Variants in KANSL1L observed in about 807,000 individuals in gnomAD.
KANSL1L encodes the protein KAT8 regulatory NSL complex subunit 1 like, also known as KAT8 regulatory NSL complex subunit 1-like protein.
Under a neutral mutation model 108.6 loss-of-function variants are expected in KANSL1L, and 25 were observed. The observed-to-expected ratio is 0.23, with a 90% CI of 0.17 to 0.32. The LOEUF (loss-of-function observed/expected upper bound fraction) is 0.32, where lower values mean the gene tolerates loss of function less well. Ranked by LOEUF, KANSL1L falls within the 10% of genes least tolerant of loss-of-function variation. The pLI, the probability that KANSL1L is intolerant of heterozygous loss-of-function variation, is 1.00. For missense variants in KANSL1L, 1,137 were observed against 1,125.7 expected (o/e 1.01, Z -0.14); for synonymous variants, 405 against 395.1 (o/e 1.03, Z -0.30).
At chr2:210,028,997 C>T (rs940867807) in intron 10 of KANSL1L, 28 bp from the exon 11 acceptor site, 7 of 1,584,996 alleles carry the variant, frequency 4.4e-6, no homozygotes, top group Non-Finnish European at 6.0e-6. Context: ...AGTAGATTTA[C>T]AGTACTGTCT....
At chr2:210,061,291 G>C (rs955080991) in intron 6 of KANSL1L, among the ~76,000 whole-genome samples, 5 of 151,968 alleles carry the variant, frequency 3.3e-5, no homozygotes, top group Non-Finnish European at 7.4e-5. Context: ...TCTAATCTTG[G>C]ATGCCAGAGG....
chr2:210,167,876 C>T lies in KANSL1L; in HGVS notation c.-30+3273G>A, dbSNP rs141657383. 2.4e-4 allele frequency among the ~76,000 whole-genome samples: 36 copies of T among 151,854 alleles called. No individual in the cohort carries two copies. The East Asian group carries it at 6.8e-3, about 29-fold the overall frequency. On this transcript the variant is annotated intron_variant, in intron 1 of 14. Transcript: ENST00000281772. ...TATCTACTGGCAAGTTTAATAGTAC[C>T]GTTTTTATTAACATTTGCTGGGTGT... is the stretch of plus-strand genomic sequence containing the variant.
At chr2:210,132,332 A>G (rs2095129337) in intron 2 of KANSL1L, among the ~76,000 whole-genome samples, 1 of 152,162 alleles carries the variant, frequency 6.6e-6, no homozygotes, top group Admixed American at 6.5e-5. Context: ...CAGTTAGCAT[A>G]TAAGCCTGGT....
At chr2:210,109,031 C>A (rs1258329614) in intron 3 of KANSL1L, among the ~76,000 whole-genome samples, 1 of 152,018 alleles carries the variant, frequency 6.6e-6, no homozygotes, top group Admixed American at 6.5e-5. Context: ...ACGCCTTTTT[C>A]TAGTTCCATT....
intron 3 of KANSL1L, among the ~76,000 whole-genome samples, chr2:210,111,146 G>A (rs1339832970): frequency 6.6e-6 from 1 of 150,536 alleles, no homozygotes; most frequent in Admixed American, 6.6e-5. Flanking sequence ...AATGAATGTG[G>A]ACTCTGAAAA....
intron 10 of KANSL1L, 158 bp from the exon 11 acceptor site, chr2:210,029,127 A>G (rs1559497555): frequency 7.0e-6 from 4 of 572,552 alleles, no homozygotes; most frequent in South Asian, 5.0e-5. Flanking sequence ...AAACCAAAAA[A>G]TAAAACATTT....
intron 1 of KANSL1L, among the ~76,000 whole-genome samples, chr2:210,155,600 C>G (rs1307501423): frequency 6.6e-6 from 1 of 152,156 alleles, no homozygotes; most frequent in African/African-American, 2.4e-5. Flanking sequence ...ATAGCGGAGA[C>G]AGTGTCAGAT....
chr2:210,123,758 A>T (rs2095041881), intron 3 of KANSL1L, among the ~76,000 whole-genome samples: 1 of 152,038 alleles, frequency 6.6e-6, no homozygotes, highest in Non-Finnish European at 1.5e-5. Context: ...TATGCATTGT[A>T]TTCCTGTGTC....
intron 3 of KANSL1L, among the ~76,000 whole-genome samples, chr2:210,105,374 A>T (rs77423454): frequency 0.15 from 21,295 of 145,392 alleles, 1,826 homozygotes; most frequent in Middle Eastern, 0.34. Flanking sequence ...TTTGAAAAAA[A>T]ATATATATAT....
At position 210,029,926 on chromosome 2, in the gene KANSL1L, G is replaced by A; in HGVS notation, c.2156-8C>T. The A allele has an allele frequency of 7.2e-7, 1 of 1,396,190 alleles. No individual in the cohort carries two copies. The allele number at this position is 1,396,190 out of a possible 1,614,324, so 86.5% of individuals were successfully genotyped here. On this transcript the variant is annotated splice_polypyrimidine_tract_variant and splice_region_variant and intron_variant, in intron 9 of 14. Transcript: ENST00000281772. ...CAAGTTTAGTTCTTTCTCCTGCCATGGAAAGAACCATTGAATGTTACACAT... is the reference window on the plus strand; with the variant it reads ...CAAGTTTAGTTCTTTCTCCTGCCATAGAAAGAACCATTGAATGTTACACAT...
chr2:210,050,005 G>T (rs2094271950), intron 6 of KANSL1L, among the ~76,000 whole-genome samples: 1 of 152,196 alleles, frequency 6.6e-6, no homozygotes, highest in African/African-American at 2.4e-5. Context: ...AAAGGAGGTG[G>T]CTCAAGTAGG....
At chr2:210,097,625 T>C (rs1041162618) in intron 5 of KANSL1L, among the ~76,000 whole-genome samples, 1 of 152,230 alleles carries the variant, frequency 6.6e-6, no homozygotes, top group African/African-American at 2.4e-5. Flanking sequence ...GTAAAAAAAA[T>C]TTACCTTATA....
At chr2:210,038,505 T>TA (rs951614609) in intron 8 of KANSL1L, among the ~76,000 whole-genome samples, 4 of 152,022 alleles carry the variant, frequency 2.6e-5, no homozygotes, top group African/African-American at 9.6e-5. Context: ...GCAAAAGTAG[T>TA]AAATATTTGC....
intron 6 of KANSL1L, among the ~76,000 whole-genome samples, chr2:210,065,767 G>A (rs986805655): frequency 6.6e-6 from 1 of 151,952 alleles, no homozygotes; most frequent in Non-Finnish European, 1.5e-5. Context: ...TGTATTTTTA[G>A]AAGAGTAGGG....
intron 1 of KANSL1L, among the ~76,000 whole-genome samples, chr2:210,158,615 G>C (rs1026275651): frequency 1.3e-5 from 2 of 151,426 alleles, no homozygotes; most frequent in Non-Finnish European, 2.9e-5. Context: ...TTAAGCTCTA[G>C]TCTATGAAAG....
rs377618713 is a variant in KANSL1L at position 210,042,804 on chromosome 2, A to C, written c.1921+1135T>G. 1.8e-4 allele frequency among the ~76,000 whole-genome samples: 28 copies of C among 152,324 alleles called. No individual in the cohort carries two copies. In the East Asian group the frequency reaches 5.4e-3, roughly 29 times the overall value. Reference sequence around the variant, plus strand: ...ATAAAATAGTTCTTGTTAAAAACTTAAATCAAGGTAATGGTGTAGCTAAGA... The same window carrying C: ...ATAAAATAGTTCTTGTTAAAAACTTCAATCAAGGTAATGGTGTAGCTAAGA... On this transcript the variant is annotated intron_variant, in intron 7 of 14. Transcript: ENST00000281772.
At position 210,104,167 on chromosome 2, in the gene KANSL1L, C is replaced by T. The variant is rs754372053; in HGVS notation, c.1365G>A (p.Pro455=). The part of the protein sequence containing the change: ...QVPQECQDPV[P]EQDFEMSPSS... ...TTGGTGACATTTCAAAATCTTGTTC[C>T]GGTACAGGATCTTGACACTCCTGGG... Residue 455 remains proline (P), a synonymous_variant, in exon 4 of 15, where the codon CCG becomes CCA. Transcript: ENST00000281772. The T allele has an allele frequency of 4.9e-5, 79 of 1,613,812 alleles. No individual in the cohort carries two copies. Among genetic ancestry groups the T allele is most frequent in the Non-Finnish European group, 5.8e-5 (68 of 1,179,900 alleles).
At chr2:210,079,650 A>ATATATATATATATGTGTG (rs2094571215) in intron 5 of KANSL1L, among the ~76,000 whole-genome samples, 2 of 19,524 alleles carry the variant, frequency 1.0e-4, no homozygotes, top group Non-Finnish European at 9.1e-5. Context: ...ATATATATAT[A>ATATATATATATATGTGTG]TATATATATA....
intron 13 of KANSL1L, 46 bp from the exon 14 acceptor site, chr2:210,024,247 G>A: frequency 1.4e-6 from 2 of 1,466,030 alleles, no homozygotes; most frequent in Non-Finnish European, 1.8e-6. Context: ...ATTTTTTGAG[G>A]TCTTGAAAAT....
Sources: allele counts gnomAD v4.1 joint callset (sites outside exome capture counted in the v4.1 genomes callset), GRCh38; gene constraint gnomAD v4.1.1; transcripts MANE v1.5; gene names NCBI Gene and HGNC (gene_info 2026-07-23, HGNC 2026-07-21).